WASHC2C: variants seen among roughly 807,000 people sequenced by gnomAD.
WASHC2C encodes the protein WASH complex subunit 2C.
WASHC2C carries 73 observed loss-of-function variants against 142.2 expected under a neutral mutation model. The ratio of observed to expected loss-of-function variants is 0.51; its 90% CI spans 0.43 to 0.62. The LOEUF (loss-of-function observed/expected upper bound fraction) is 0.62, where lower values mean the gene tolerates loss of function less well. WASHC2C is among the 20% of genes least tolerant of loss of function. The pLI, the probability that WASHC2C is intolerant of heterozygous loss-of-function variation, is 0.00. For synonymous variants in WASHC2C, 337 were observed against 565.5 expected, an observed-to-expected ratio of 0.60 and a Z score of 5.73; for missense variants, 969 against 1,531.7, an observed-to-expected ratio of 0.63 and a Z score of 6.13.
intron 16 of WASHC2C, among the ~76,000 whole-genome samples, chr10:45,758,017 GT>G (rs2054540746): frequency 6.6e-6 from 1 of 152,160 alleles, no homozygotes; most frequent in South Asian, 2.1e-4. Flanking sequence ...ATTGCATTTG[GT>G]TGTCATGTCT....
chr10:45,735,559 TTATCTTAC>T (rs1429548087), intron 3 of WASHC2C, among the ~76,000 whole-genome samples: 3 of 152,188 alleles, frequency 2.0e-5, no homozygotes, highest in Non-Finnish European at 4.4e-5. Context: ...CCCAGCAGGA[TTATCTTAC>T]TATATTGTGC....
intron 21 of WASHC2C, among the ~76,000 whole-genome samples, 164 bp downstream of exon 21, chr10:45,773,522 A>G (rs1303766522): frequency 6.6e-6 from 1 of 152,290 alleles, no homozygotes; most frequent in East Asian, 1.9e-4. Flanking sequence ...ATAGTATTCT[A>G]CAGAAGAAGC....
In WASHC2C at chr10:45,769,575, G is replaced by T. The variant is rs782082373; in HGVS notation, c.1996G>T (p.Glu666Ter). Residue 666 changes from glutamate to a stop codon, truncating the protein, a stop_gained, in exon 20 of 31, where the codon GAG becomes TAG. Coordinates refer to ENST00000623400, the MANE Select transcript of WASHC2C (RefSeq NM_001330074.2). LOFTEE classifies it high-confidence loss of function. ...AKAVKKTSLFEEDKEDDLFAI... is the reference protein window; with the variant it reads ...AKAVKKTSLF The stretch of plus-strand genomic sequence containing the variant: ...GGCTGTGAAAAAGACCAGTCTCTTT[G>T]AGGAAGACAAAGAAGATGATCTTTT... 6.2e-7 allele frequency: 1 copy of T among 1,611,946 alleles called. No homozygotes were observed. Among genetic ancestry groups the T allele is most frequent in the Admixed American group, 1.7e-5 (1 of 60,010 alleles).
intron 30 of WASHC2C, among the ~76,000 whole-genome samples, 181 bp from the exon 31 acceptor site, chr10:45,792,080 A>G (rs1324680892): frequency 6.9e-5 from 10 of 144,556 alleles, no homozygotes; most frequent in African/African-American, 2.5e-4. Flanking sequence ...GTGTGTGATC[A>G]TAAAATTTAA....
In WASHC2C at chr10:45,789,266, A is replaced by G; in HGVS notation, c.3483A>G (p.Pro1161=). Residue 1161 remains proline (P), a synonymous_variant, in exon 29 of 31, where the codon CCA becomes CCG. Transcript: ENST00000623400. ...AGATAGCAGAGAATCCTGCCAACCC[A>G]CCAGTGGGTGGTAAAGCAAAGAGCC... is the stretch of plus-strand genomic sequence containing the variant. The part of the protein sequence containing the change: ...KAKIAENPAN[P]PVGGKAKSPM... The G allele has an allele frequency of 6.2e-7, 1 of 1,612,068 alleles. No individual in the cohort carries two copies. Among genetic ancestry groups the G allele is most frequent in the Non-Finnish European group, 8.5e-7 (1 of 1,179,862 alleles).
chr10:45,757,878 C>T (rs879038145), intron 16 of WASHC2C, among the ~76,000 whole-genome samples: 4,279 of 145,568 alleles, frequency 0.029, 11 homozygotes, highest in African/African-American at 0.061. Context: ...TCCTGCTGTG[C>T]GGCCCGGCTT....
At chr10:45,736,127 G>T (rs1355070235) in intron 3 of WASHC2C, among the ~76,000 whole-genome samples, 10 of 149,412 alleles carry the variant, frequency 6.7e-5, no homozygotes, top group African/African-American at 9.8e-5. Flanking sequence ...AAAAATGCAG[G>T]CCGGGCATGG....
rs782138626 is a variant in WASHC2C, at chr10:45,786,672, C to A, written c.2872C>A (p.Gln958Lys). The change falls in exon 27 of 31, where the codon CAA becomes AAA. Residue 958 changes from glutamine to lysine, a missense_variant and splice_region_variant. Transcript: ENST00000623400. ...ACCATCCACTCGGATCGGGAAGATA[C>A]AAGTAATTAAAACACTGGAATCTTC... is the stretch of plus-strand genomic sequence containing the variant. Reference protein sequence around the residue: ...KEPSTRIGKIQANLAINPAAL... With the variant: ...KEPSTRIGKIKANLAINPAAL... 3.1e-6 allele frequency: 5 copies of A among 1,611,680 alleles called. No individual in the cohort carries two copies. In the East Asian group the frequency reaches 8.9e-5, roughly 29 times the overall value.
intron 13 of WASHC2C, 72 bp from the exon 14 acceptor site, chr10:45,754,414 T>C: frequency 1.2e-6 from 2 of 1,604,642 alleles, no homozygotes; most frequent in Admixed American, 1.7e-5. Flanking sequence ...ACATTGCACG[T>C]ATTTCAGGAA....
At chr10:45,775,845 AT>A (rs377691964) in intron 21 of WASHC2C, among the ~76,000 whole-genome samples, 7,343 of 151,692 alleles carry the variant, frequency 0.048, 68 homozygotes, top group Middle Eastern at 0.075. Context: ...TGCCCGACTA[AT>A]TTTTTGTATT....
intron 23 of WASHC2C, among the ~76,000 whole-genome samples, chr10:45,784,275 T>TATATATATATACACACACAC (rs1564819952): frequency 2.7e-4 from 2 of 7,358 alleles, no homozygotes; most frequent in Non-Finnish European, 4.1e-4. Context: ...TATATATATA[T>TATATATATATACACACACAC]ATATATATAT....
intron 16 of WASHC2C, among the ~76,000 whole-genome samples, chr10:45,758,099 T>C (rs564125233): frequency 5.3e-5 from 8 of 152,180 alleles, no homozygotes; most frequent in Non-Finnish European, 8.8e-5. Context: ...ACTTGTCTTG[T>C]AGAATGTGTC....
At chr10:45,784,311 T>TATATACAC (rs200659699) in intron 23 of WASHC2C, among the ~76,000 whole-genome samples, 5 of 58,148 alleles carry the variant, frequency 8.6e-5, no homozygotes, top group Admixed American at 1.7e-4. Flanking sequence ...TATATATATA[T>TATATACAC]ACACACACAT....
rs782028698 is a variant in WASHC2C at position 45,753,260 on chromosome 10, C to T, written c.1180+23C>T. 33 of 1,239,206 alleles carry T rather than the reference C, an allele frequency of 2.7e-5. 6 individuals are homozygous for T. Among genetic ancestry groups the T allele is most frequent in the African/African-American group, 1.9e-4 (9 of 47,570 alleles). The allele number at this position is 1,239,206 out of a possible 1,614,324, so 76.8% of individuals were successfully genotyped here. A position where few individuals can be genotyped will look rare whatever the true frequency, so the allele number is the denominator to read the frequency against. ...AGGGTAAGCTGGGGCTGGGCAGCTG[C>T]GTCTCCGTGTGCAGAGTTCCAAAAC... On this transcript the variant is annotated intron_variant, in intron 13 of 30. Transcript: ENST00000623400.
intron 14 of WASHC2C, 83 bp downstream of exon 14, chr10:45,754,628 C>T: frequency 1.5e-6 from 2 of 1,320,600 alleles, no homozygotes; most frequent in Non-Finnish European, 2.1e-6. Flanking sequence ...TAAAGTCTGG[C>T]TGGAGATGAG....
Position 45,727,585 on chromosome 10 carries a change from T to G in WASHC2C, c.126+46T>G, listed in dbSNP as rs969938236. ...ACGCGAGAGCGGCAGGGGTGACGCT[T>G]GGCTTGCGCGCAGGAGGGCCGGACC... On this transcript the variant is annotated intron_variant, in intron 2 of 30. Coordinates refer to ENST00000623400, the MANE Select transcript of WASHC2C (RefSeq NM_001330074.2). The G allele has an allele frequency of 5.9e-6, 9 of 1,529,932 alleles. No homozygotes were observed. In the Admixed American group the frequency reaches 1.8e-4, roughly 31 times the overall value. The allele number at this position is 1,529,932 out of a possible 1,614,324, so 94.8% of individuals were successfully genotyped here.
In WASHC2C at chr10:45,784,281, T is replaced by TACACACAC. The variant is rs1207152561; in HGVS notation, c.2479-283_2479-282insCACACACA. Among the ~76,000 whole-genome samples the TACACACAC allele has an allele frequency of 2.2e-4, 2 of 9,042 alleles. 1 individual carries two copies. Among genetic ancestry groups the TACACACAC allele is most frequent in the African/African-American group, 3.7e-4 (2 of 5,424 alleles). 5.9% of individuals were successfully genotyped at this position (9,042 alleles called of 152,430 possible). ...ATATATATATATATATATATATATA[T>TACACACAC]ATATATATACACATATATATATATA... On this transcript the variant is annotated intron_variant, in intron 23 of 30. Coordinates refer to ENST00000623400, the MANE Select transcript of WASHC2C (RefSeq NM_001330074.2).
At chr10:45,783,350 T>G (rs571648326) in intron 23 of WASHC2C, among the ~76,000 whole-genome samples, 1 of 152,392 alleles carries the variant, frequency 6.6e-6, no homozygotes, top group East Asian at 1.9e-4. Flanking sequence ...GTGAAATATT[T>G]AACATTACTT....
At chr10:45,729,059 T>C (rs1554861307) in intron 3 of WASHC2C, 33 bp downstream of exon 3, 5 of 1,591,250 alleles carry the variant, frequency 3.1e-6, no homozygotes, top group Non-Finnish European at 4.3e-6. Context: ...AATTCCTTTT[T>C]TGGGAGTAGG....
Sources: allele counts gnomAD v4.1 joint callset (sites outside exome capture counted in the v4.1 genomes callset), GRCh38; gene constraint gnomAD v4.1.1; transcripts MANE v1.5; gene names NCBI Gene and HGNC (gene_info 2026-07-23, HGNC 2026-07-21).